Variants in ARB2A observed in about 807,000 individuals in gnomAD.
ARB2A encodes the protein cotranscriptional regulator ARB2A.
chr5:93,784,558 C>A, the ARB2A span: 2 of 1,243,000 alleles, frequency 1.6e-6, no homozygotes, highest in Non-Finnish European at 2.3e-6. Context: ...CTGGGTGCAG[C>A]CTGCTTAGTC....
chr5:93,686,690 C>T, the ARB2A span, among the ~76,000 whole-genome samples: 1 of 152,118 alleles, frequency 6.6e-6, no homozygotes, highest in Admixed American at 6.5e-5. Flanking sequence ...TTGCCTGAAA[C>T]ACTCCAAGGT....
chr5:94,034,112 G>T, the ARB2A span, among the ~76,000 whole-genome samples: 1 of 152,122 alleles, frequency 6.6e-6, no homozygotes, highest in African/African-American at 2.4e-5. Context: ...GCACTTCCCA[G>T]CCTCCAGAAT....
the ARB2A span, among the ~76,000 whole-genome samples, chr5:93,765,003 G>A: frequency 2.0e-5 from 3 of 152,120 alleles, no homozygotes; most frequent in Non-Finnish European, 2.9e-5. Context: ...AACCCTTCAT[G>A]CTAAAAACTC....
the ARB2A span, among the ~76,000 whole-genome samples, chr5:93,953,314 C>T: frequency 2.0e-5 from 3 of 152,106 alleles, no homozygotes; most frequent in East Asian, 3.9e-4. Flanking sequence ...TCCAGGTATC[C>T]GAAGGCACTT....
chr5:93,693,056 T>A, the ARB2A span, among the ~76,000 whole-genome samples: 2 of 152,116 alleles, frequency 1.3e-5, no homozygotes, highest in African/African-American at 4.8e-5. Context: ...GAAAGCAGTG[T>A]TTAGAGGGAA....
chr5:94,019,429 A>G, the ARB2A span, among the ~76,000 whole-genome samples: 9 of 152,216 alleles, frequency 5.9e-5, no homozygotes, highest in Non-Finnish European at 1.0e-4. Flanking sequence ...ATCTACAAAG[A>G]ACTTAAACTT....
the ARB2A span, among the ~76,000 whole-genome samples, chr5:93,830,311 G>GTGTATGTGTGTGTA: frequency 0.083 from 6,740 of 81,562 alleles, 274 homozygotes; most frequent in Non-Finnish European, 0.097. Flanking sequence ...GTGTGTGTGT[G>GTGTATGTGTGTGTA]TATATATATA....
the ARB2A span, chr5:93,741,487 G>A: frequency 6.2e-7 from 1 of 1,613,156 alleles, no homozygotes; most frequent in Admixed American, 1.7e-5. Flanking sequence ...AACCCGCAGG[G>A]GCATCGGCCC....
chr5:93,695,285 A>C, the ARB2A span, among the ~76,000 whole-genome samples: 4 of 152,292 alleles, frequency 2.6e-5, no homozygotes, highest in Middle Eastern at 6.8e-3. Context: ...TTTGCAATCT[A>C]TCCATCTGAG....
At chr5:93,638,979 A>G in the ARB2A span, among the ~76,000 whole-genome samples, 2 of 152,216 alleles carry the variant, frequency 1.3e-5, no homozygotes, top group African/African-American at 2.4e-5. Flanking sequence ...TTTTCTTTGT[A>G]ATTCTTACAT....
At chr5:94,029,998 G>A in the ARB2A span, among the ~76,000 whole-genome samples, 1 of 152,152 alleles carries the variant, frequency 6.6e-6, no homozygotes, top group Non-Finnish European at 1.5e-5. Flanking sequence ...AAGAGAGAGA[G>A]AGTTTGTGCA....
chr5:94,024,747 C>T, the ARB2A span, among the ~76,000 whole-genome samples: 1 of 152,122 alleles, frequency 6.6e-6, no homozygotes, highest in Non-Finnish European at 1.5e-5. Context: ...TTGATCTAAG[C>T]TTGAAAGATG....
At chr5:94,107,325 G>GAGTA in the ARB2A span, among the ~76,000 whole-genome samples, 152,089 of 152,224 alleles carry the variant, frequency 1, 75,977 homozygotes, top group Middle Eastern at 1. Flanking sequence ...GTGAAACCTT[G>GAGTA]AGTCAGTCAT....
chr5:93,771,957 T>C, the ARB2A span, among the ~76,000 whole-genome samples: 1 of 152,192 alleles, frequency 6.6e-6, no homozygotes, highest in Non-Finnish European at 1.5e-5. Flanking sequence ...CATTACTGGG[T>C]ATATACCAAA....
the ARB2A span, among the ~76,000 whole-genome samples, chr5:94,087,486 T>C: frequency 2.6e-5 from 4 of 152,258 alleles, no homozygotes; most frequent in African/African-American, 9.6e-5. Flanking sequence ...ACTAGTTGTA[T>C]ATATTTCATG....
the ARB2A span, among the ~76,000 whole-genome samples, chr5:94,009,287 T>C: frequency 6.6e-6 from 1 of 152,028 alleles, no homozygotes; most frequent in African/African-American, 2.4e-5. Context: ...CAGTCAGTCA[T>C]TCATTGTAAA....
At chr5:94,053,263 A>G in the ARB2A span, 1 of 1,099,240 alleles carries the variant, frequency 9.1e-7, no homozygotes, top group Non-Finnish European at 1.3e-6. Flanking sequence ...ACTTATATTC[A>G]TTTTCATAGT....
At chr5:93,858,050 A>G in the ARB2A span, among the ~76,000 whole-genome samples, 2 of 152,230 alleles carry the variant, frequency 1.3e-5, no homozygotes, top group Admixed American at 1.3e-4. Flanking sequence ...AAGCTAAATC[A>G]GCAAAGAGAA....
chr5:93,688,899 G>T, the ARB2A span, among the ~76,000 whole-genome samples: 3 of 152,186 alleles, frequency 2.0e-5, no homozygotes, highest in East Asian at 3.9e-4. Context: ...CCTCATCCAG[G>T]TCATCATGAT....
Sources: allele counts gnomAD v4.1 joint callset (sites outside exome capture counted in the v4.1 genomes callset), GRCh38; gene constraint gnomAD v4.1.1; transcripts MANE v1.5; gene names NCBI Gene and HGNC (gene_info 2026-07-23, HGNC 2026-07-21).